RNF150: variants seen among roughly 807,000 people sequenced by gnomAD.
The protein encoded by RNF150 is ring finger protein 150.
In RNF150, 24 loss-of-function variants were observed where a neutral mutation model predicts 39.3. The observed-to-expected ratio is 0.61, with a 90% CI of 0.44 to 0.86. The LOEUF is 0.86. Among genes scored for constraint, RNF150 ranks in the 40% least tolerant of loss-of-function variants. The pLI is 0.00. For synonymous variants in RNF150, 255 were observed against 227.3 expected, an observed-to-expected ratio of 1.12 and a Z score of -1.10; for missense variants, 502 against 587.8, an observed-to-expected ratio of 0.85 and a Z score of 1.51.
chr4:140,974,133 A>G (rs181126072), intron 1 of RNF150, among the ~76,000 whole-genome samples: 1 of 152,262 alleles, frequency 6.6e-6, no homozygotes, highest in Admixed American at 6.5e-5. Flanking sequence ...AACCACTAAC[A>G]CAATTAAGAC....
chr4:141,149,009 T>C (rs1220384968), intron 1 of RNF150, among the ~76,000 whole-genome samples: 1 of 152,114 alleles, frequency 6.6e-6, no homozygotes, highest in Non-Finnish European at 1.5e-5. Flanking sequence ...GGAACAAAAC[T>C]GAACAGAAGG....
chr4:141,160,165 G>A (rs1268668300), intron 1 of RNF150, among the ~76,000 whole-genome samples: 1 of 152,020 alleles, frequency 6.6e-6, no homozygotes, highest in Non-Finnish European at 1.5e-5. Flanking sequence ...GCTAAAACTT[G>A]AAAAATCACT....
At chr4:141,133,918 G>A (rs946236354), upstream of RNF150, among the ~76,000 whole-genome samples, 4 of 152,146 alleles carry the variant, frequency 2.6e-5, no homozygotes, top group African/African-American at 9.7e-5. Context: ...TGGTTCAGTA[G>A]ATCTGTGGTA....
chr4:141,158,083 G>T (rs1727442714), intron 1 of RNF150, among the ~76,000 whole-genome samples: 1 of 152,142 alleles, frequency 6.6e-6, no homozygotes, highest in African/African-American at 2.4e-5. Context: ...ACGAGGTCAG[G>T]AGTTCAAGAG....
chr4:141,146,444 G>A (rs374218369), intron 1 of RNF150, among the ~76,000 whole-genome samples: 1 of 152,166 alleles, frequency 6.6e-6, no homozygotes, highest in East Asian at 1.9e-4. Context: ...AAGACAATCA[G>A]CATATGAGTA....
intron 6 of RNF150, among the ~76,000 whole-genome samples, chr4:140,883,376 T>C (rs935925168): frequency 3.3e-5 from 5 of 152,202 alleles, no homozygotes; most frequent in African/African-American, 1.2e-4. Context: ...CTGAGCTTCA[T>C]GGTGCCGTAA....
upstream of RNF150, among the ~76,000 whole-genome samples, chr4:141,138,412 G>A (rs1727061801): frequency 6.6e-6 from 1 of 151,950 alleles, no homozygotes; most frequent in African/African-American, 2.4e-5. Context: ...TCCCTGAAAA[G>A]AGGGAACACT....
At chr4:141,179,654 C>G (rs939368660) in intron 1 of RNF150, among the ~76,000 whole-genome samples, 2 of 152,108 alleles carry the variant, frequency 1.3e-5, no homozygotes, top group African/African-American at 4.8e-5. Flanking sequence ...TGGCCACAGA[C>G]AGAAATCTGG....
intron 1 of RNF150, among the ~76,000 whole-genome samples, chr4:141,123,165 G>C (rs757717619): frequency 2.0e-5 from 3 of 152,206 alleles, no homozygotes; most frequent in Admixed American, 6.5e-5. Context: ...ATGAACATAT[G>C]AACATAGTCC....
chr4:141,184,056 G>C (rs1321851434), intron 1 of RNF150, among the ~76,000 whole-genome samples: 1 of 152,094 alleles, frequency 6.6e-6, no homozygotes, highest in Non-Finnish European at 1.5e-5. Context: ...TGGTATTTCT[G>C]ATTCTAGGTC....
At chr4:141,093,723 C>T (rs1738679413) in intron 1 of RNF150, among the ~76,000 whole-genome samples, 1 of 152,136 alleles carries the variant, frequency 6.6e-6, no homozygotes, top group Non-Finnish European at 1.5e-5. Context: ...GAGAAATTCT[C>T]ATGGACAAAG....
At chr4:141,011,085 A>G (rs933398101) in intron 1 of RNF150, among the ~76,000 whole-genome samples, 1 of 152,096 alleles carries the variant, frequency 6.6e-6, no homozygotes. Context: ...TTATTAAACA[A>G]AATTTTCGTA....
At position 140,922,057 on chromosome 4, in the gene RNF150, AC is replaced by A. The variant is rs568645958; in HGVS notation, c.987+3919del. On this transcript the variant is annotated intron_variant, in intron 5 of 6. Coordinates refer to ENST00000515673, the MANE Select transcript of RNF150 (RefSeq NM_020724.2). ...GGAAGCATTCCCTTTGAAAACTGGC[AC>A]AAGACAGGGATGCCCTCTCTCACCA... 7.4e-3 allele frequency among the ~76,000 whole-genome samples: 1,121 copies of A among 151,408 alleles called. 14 individuals carry two copies. Among genetic ancestry groups the A allele is most frequent in the African/African-American group, 0.026 (1,086 of 41,280 alleles).
intron 1 of RNF150, among the ~76,000 whole-genome samples, chr4:140,978,956 T>C (rs1733762766): frequency 6.6e-6 from 1 of 152,154 alleles, no homozygotes; most frequent in South Asian, 2.1e-4. Context: ...ACTTTCTGCT[T>C]ATATATAAAA....
intron 6 of RNF150, among the ~76,000 whole-genome samples, chr4:140,898,179 T>C (rs1382600280): frequency 6.6e-6 from 1 of 152,194 alleles, no homozygotes; most frequent in Non-Finnish European, 1.5e-5. Context: ...AGGGATATAC[T>C]ATTCCTAAAA....
At chr4:141,036,687 G>A (rs542546717) in intron 1 of RNF150, among the ~76,000 whole-genome samples, 17 of 152,028 alleles carry the variant, frequency 1.1e-4, no homozygotes, top group African/African-American at 3.9e-4. Context: ...AGATTGGTAC[G>A]GTGAATAGAC....
chr4:140,951,290 C>T (rs1019903855), intron 2 of RNF150, among the ~76,000 whole-genome samples: 2 of 152,088 alleles, frequency 1.3e-5, no homozygotes, highest in African/African-American at 4.8e-5. Flanking sequence ...TCACATTGTT[C>T]CCTATATCCC....
At chr4:141,199,398 T>C (rs1728254114) in intron 1 of RNF150, among the ~76,000 whole-genome samples, 1 of 152,222 alleles carries the variant, frequency 6.6e-6, no homozygotes, top group Admixed American at 6.5e-5. Flanking sequence ...TAAAAACCTT[T>C]ATATGAATGT....
intron 1 of RNF150, among the ~76,000 whole-genome samples, chr4:141,180,574 T>C (rs1441034311): frequency 6.6e-6 from 1 of 152,150 alleles, no homozygotes; most frequent in Non-Finnish European, 1.5e-5. Context: ...ATCTCATATA[T>C]TATAGCATCA....
Sources: allele counts gnomAD v4.1 joint callset (sites outside exome capture counted in the v4.1 genomes callset), GRCh38; gene constraint gnomAD v4.1.1; transcripts MANE v1.5; gene names NCBI Gene and HGNC (gene_info 2026-07-23, HGNC 2026-07-21).